ITPA: variants seen among roughly 807,000 people sequenced by gnomAD.
ITPA encodes inosine triphosphatase, also known as inosine triphosphate pyrophosphatase.
ITPA carries 29 observed loss-of-function variants against 29.6 expected under a neutral mutation model. The ratio of observed to expected loss-of-function variants is 0.98; its 90% CI spans 0.73 to 1.34. ITPA has a LOEUF of 1.34. Ranked by LOEUF, ITPA falls within the 40% of genes most tolerant of loss-of-function variation. The pLI is 0.00. For synonymous variants in ITPA, 103 were observed against 99.3 expected (o/e 1.04, Z -0.22); for missense variants, 241 against 251.5 (o/e 0.96, Z 0.28).
intron 5 of ITPA, among the ~76,000 whole-genome samples, chr20:3,216,400 T>C (rs1402355763): frequency 1.3e-5 from 2 of 151,134 alleles, no homozygotes; most frequent in Admixed American, 6.6e-5. Flanking sequence ...CCTCGTGATC[T>C]GCCTGCCTCG....
intron 5 of ITPA, among the ~76,000 whole-genome samples, chr20:3,216,541 C>T (rs2067305403): frequency 6.6e-6 from 1 of 150,924 alleles, no homozygotes; most frequent in African/African-American, 2.4e-5. Flanking sequence ...ACAACCTCCG[C>T]CTCCCGGGTT....
intron 5 of ITPA, among the ~76,000 whole-genome samples, chr20:3,217,444 C>A (rs2067333200): frequency 6.6e-6 from 1 of 152,030 alleles, no homozygotes; most frequent in East Asian, 1.9e-4. Context: ...TCAGTAAGTT[C>A]TTCAGCTTGT....
At chr20:3,218,705 A>C in intron 6 of ITPA, 73 bp downstream of exon 6, 1 of 1,165,502 alleles carries the variant, frequency 8.6e-7, no homozygotes, top group South Asian at 1.2e-5. Flanking sequence ...GACCGCCCCG[A>C]GTCTGCGGGA....
chr20:3,214,810 A>G (rs1284326688), intron 4 of ITPA, among the ~76,000 whole-genome samples: 1 of 151,936 alleles, frequency 6.6e-6, no homozygotes, highest in East Asian at 1.9e-4. Context: ...CCATCTCCTG[A>G]CCTCGTGATC....
rs545259585 is a variant in ITPA, at chr20:3,219,701, C to T, written c.411+1069C>T. ...CGGAGGTTGCAGTGAGCTGAGATCT[C>T]GCCACTGCACTCCAGCCTGGGCAAC... On this transcript the variant is annotated intron_variant, in intron 6 of 7. Coordinates refer to ENST00000380113, the MANE Select transcript of ITPA (RefSeq NM_033453.4). 2.7e-5 allele frequency among the ~76,000 whole-genome samples: 4 copies of T among 149,180 alleles called. No homozygotes were observed. In the East Asian group the frequency reaches 6.0e-4, roughly 22 times the overall value.
chr20:3,223,172 T>A (rs1447241628), intron 7 of ITPA, among the ~76,000 whole-genome samples, 194 bp from the exon 8 acceptor site: 4 of 152,210 alleles, frequency 2.6e-5, no homozygotes, highest in Admixed American at 2.6e-4. Context: ...TCATGGGGGT[T>A]TCTGCCTACA....
At chr20:3,211,804 T>G (rs1310342357) in intron 1 of ITPA, among the ~76,000 whole-genome samples, 1 of 152,180 alleles carries the variant, frequency 6.6e-6, no homozygotes, top group Admixed American at 6.5e-5. Flanking sequence ...ACGGGTAGTC[T>G]TAACTAGTGG....
At chr20:3,206,368 A>G (rs2067070209), upstream of ITPA, among the ~76,000 whole-genome samples, 1 of 143,880 alleles carries the variant, frequency 7.0e-6, no homozygotes, top group African/African-American at 2.6e-5. Flanking sequence ...AGCCTGGGCA[A>G]CAGAGTGAGA....
chr20:3,216,470 T>C (rs1042413058), intron 5 of ITPA, among the ~76,000 whole-genome samples: 7 of 149,260 alleles, frequency 4.7e-5, no homozygotes, highest in Non-Finnish European at 8.9e-5. Context: ...TTTTTTTTTT[T>C]TGTGACAAGT....
chr20:3,216,177 T>TTTTTTTTTTTA (rs2067293096), intron 5 of ITPA, among the ~76,000 whole-genome samples: 5 of 148,388 alleles, frequency 3.4e-5, no homozygotes, highest in African/African-American at 1.3e-4. Flanking sequence ...TTTTTTTTTT[T>TTTTTTTTTTTA]GAGACAAAGT....
chr20:3,204,214 A>G (rs892889090), upstream of ITPA, among the ~76,000 whole-genome samples: 1 of 152,170 alleles, frequency 6.6e-6, no homozygotes, highest in African/African-American at 2.4e-5. Context: ...TAACAGGTGC[A>G]GAGGGAAAGG....
downstream of ITPA, among the ~76,000 whole-genome samples, chr20:3,224,346 C>A (rs2067535982): frequency 6.6e-6 from 1 of 152,214 alleles, no homozygotes; most frequent in Non-Finnish European, 1.5e-5. Context: ...CGAAGCCATT[C>A]CCTGGAAGGG....
chr20:3,210,275 A>T (rs1351276790), intron 1 of ITPA, among the ~76,000 whole-genome samples: 1 of 152,318 alleles, frequency 6.6e-6, no homozygotes, highest in Non-Finnish European at 1.5e-5. Context: ...ATCGTGTCCC[A>T]CAGGACCTGA....
At chr20:3,215,186 A>C (rs535568042) in intron 4 of ITPA, 95 bp from the exon 5 acceptor site, 7 of 1,319,600 alleles carry the variant, frequency 5.3e-6, no homozygotes, top group Non-Finnish European at 7.7e-6. Context: ...ATTCTTTTTC[A>C]TTTCCCCTTG....
chr20:3,211,529 G>GT (rs2067174546), intron 1 of ITPA, among the ~76,000 whole-genome samples: 1 of 149,946 alleles, frequency 6.7e-6, no homozygotes, highest in South Asian at 2.1e-4. Context: ...GTCTCACTCT[G>GT]TTGCCCAGGC....
chr20:3,222,273 A>C (rs1304069542), intron 7 of ITPA, among the ~76,000 whole-genome samples: 3 of 141,348 alleles, frequency 2.1e-5, no homozygotes, highest in African/African-American at 8.1e-5. Flanking sequence ...CCCAGGCTGG[A>C]GTGCAACGGC....
upstream of ITPA, among the ~76,000 whole-genome samples, chr20:3,207,353 T>C (rs2067078996): frequency 6.6e-6 from 1 of 152,144 alleles, no homozygotes. Flanking sequence ...AAGCTAGTTA[T>C]CTTACATTAC....
At chr20:3,222,732 A>C (rs2067497427) in intron 7 of ITPA, among the ~76,000 whole-genome samples, 2 of 152,226 alleles carry the variant, frequency 1.3e-5, no homozygotes, top group Admixed American at 6.5e-5. Context: ...AGGCCCCACA[A>C]TAGCCCCAGC....
intron 6 of ITPA, chr20:3,218,849 C>T (rs567404362): frequency 3.3e-6 from 2 of 609,512 alleles, no homozygotes; most frequent in East Asian, 5.8e-5. Flanking sequence ...GAGTAGTTGC[C>T]TACGCCTTGC....
Sources: gnomAD v4.1 joint callset for allele counts (sites outside exome capture counted in the v4.1 genomes callset) on GRCh38, gnomAD v4.1.1 for gene constraint, MANE v1.5 for transcripts, NCBI Gene and HGNC (gene_info 2026-07-23, HGNC 2026-07-21) for gene names.